The following PTPRD variants were observed in gnomAD, a reference collection of about 807,000 sequenced individuals.
PTPRD encodes receptor-type tyrosine-protein phosphatase delta.
Under a neutral mutation model 214.5 loss-of-function variants are expected in PTPRD, and 34 were observed. The ratio of observed to expected loss-of-function variants is 0.16; its 90% CI spans 0.12 to 0.21. The LOEUF (loss-of-function observed/expected upper bound fraction) is 0.21, where lower values mean the gene tolerates loss of function less well. PTPRD is among the 10% of genes least tolerant of loss of function. The probability of loss-of-function intolerance (pLI) is 1.00; values close to 1 mark genes in which losing one functional copy is unlikely to be tolerated. For synonymous variants in PTPRD, 1,128 were observed against 845.7 expected (o/e 1.33, Z -5.79); for missense variants, 2,545 against 2,398.7 (o/e 1.06, Z -1.27).
chr9:10,419,587 A>G (rs151025523), intron 2 of PTPRD, among the ~76,000 whole-genome samples: 165 of 151,964 alleles, frequency 1.1e-3, no homozygotes, highest in African/African-American at 3.8e-3. Context: ...TTTGATTAAG[A>G]TATATTATTA....
At chr9:8,998,692 T>G (rs1225368529) in intron 11 of PTPRD, among the ~76,000 whole-genome samples, 2 of 152,096 alleles carry the variant, frequency 1.3e-5, no homozygotes, top group African/African-American at 2.4e-5. Flanking sequence ...AGGCTAGAGC[T>G]GCTATGGATA....
chr9:10,467,332 A>G (rs2099001523), intron 2 of PTPRD, among the ~76,000 whole-genome samples: 1 of 152,220 alleles, frequency 6.6e-6, no homozygotes, highest in Non-Finnish European at 1.5e-5. Flanking sequence ...ATATCTGCAT[A>G]ATTCCTGGAA....
At chr9:10,090,175 C>T (rs1315839976) in intron 3 of PTPRD, among the ~76,000 whole-genome samples, 3 of 151,522 alleles carry the variant, frequency 2.0e-5, no homozygotes, top group East Asian at 1.9e-4. Flanking sequence ...TTAAAATCTG[C>T]TTATTACTTT....
chr9:10,512,838 C>A (rs544198597), intron 2 of PTPRD, among the ~76,000 whole-genome samples: 73 of 151,914 alleles, frequency 4.8e-4, no homozygotes, highest in African/African-American at 1.7e-3. Context: ...CTAGAGAAGA[C>A]AAATATTTGA....
intron 36 of PTPRD, among the ~76,000 whole-genome samples, chr9:8,395,924 T>A (rs986364988): frequency 2.0e-5 from 3 of 152,094 alleles, no homozygotes; most frequent in Admixed American, 2.0e-4. Context: ...TGCTTTTTGG[T>A]TAGACAGCAA....
chr9:8,836,671 A>C (rs2097431144), intron 11 of PTPRD, among the ~76,000 whole-genome samples: 1 of 126,006 alleles, frequency 7.9e-6, no homozygotes, highest in Non-Finnish European at 1.6e-5. Context: ...ATCTCGGCTC[A>C]CTGCAGCCTC....
chr9:9,799,101 T>C (rs567855644), intron 5 of PTPRD, among the ~76,000 whole-genome samples: 1 of 152,306 alleles, frequency 6.6e-6, no homozygotes, highest in South Asian at 2.1e-4. Flanking sequence ...CATTTTAAAA[T>C]TCATTTGACC....
intron 2 of PTPRD, among the ~76,000 whole-genome samples, chr9:10,562,734 T>A (rs571937316): frequency 6.6e-6 from 1 of 152,138 alleles, no homozygotes; most frequent in African/African-American, 2.4e-5. Flanking sequence ...CATAGAATAG[T>A]CCAAATGACA....
chr9:9,490,684 T>C (rs556425769), intron 8 of PTPRD, among the ~76,000 whole-genome samples: 2 of 151,984 alleles, frequency 1.3e-5, no homozygotes, highest in African/African-American at 2.4e-5. Flanking sequence ...ATTCAGGATA[T>C]AATTACCATG....
chr9:10,251,699 C>T (rs1277208565), intron 3 of PTPRD, among the ~76,000 whole-genome samples: 2 of 152,174 alleles, frequency 1.3e-5, no homozygotes, highest in Non-Finnish European at 2.9e-5. Context: ...TCACTTTGAA[C>T]AGATTATAGT....
chr9:10,018,915 A>C (rs1385202208), intron 4 of PTPRD, among the ~76,000 whole-genome samples: 1 of 152,166 alleles, frequency 6.6e-6, no homozygotes, highest in Non-Finnish European at 1.5e-5. Context: ...TTCTGCAAAA[A>C]TATTTACAAA....
intron 11 of PTPRD, among the ~76,000 whole-genome samples, chr9:8,822,679 G>C (rs534837231): frequency 2.0e-5 from 3 of 152,060 alleles, no homozygotes; most frequent in Admixed American, 6.5e-5. Context: ...CACAGCCTTC[G>C]GTTGGGGCTA....
Position 8,827,314 on chromosome 9 carries a change from T to A in PTPRD, c.-103-93368A>T, listed in dbSNP as rs201795840. ...ATCAATCTATTTGTTATTGAAAAAA[T>A]TTTAGTTTTAGACCAGGTGAGGTGG... On this transcript the variant is annotated intron_variant, in intron 11 of 45. Coordinates refer to ENST00000381196, the MANE Select transcript of PTPRD (RefSeq NM_002839.4). Among the ~76,000 whole-genome samples, 11 of 142,028 alleles carry A rather than the reference T, an allele frequency of 7.7e-5. No homozygotes were observed. In the East Asian group the frequency reaches 2.0e-3, roughly 26 times the overall value. The allele number at this position is 142,028 out of a possible 152,430, so 93.2% of individuals were successfully genotyped here. A position where few individuals can be genotyped will look rare whatever the true frequency, so the allele number is the denominator to read the frequency against.
At chr9:8,775,474 G>A (rs1480902505) in intron 11 of PTPRD, among the ~76,000 whole-genome samples, 2 of 152,112 alleles carry the variant, frequency 1.3e-5, no homozygotes, top group Non-Finnish European at 2.9e-5. Context: ...AATTAGGTGA[G>A]ATGCAGTACA....
chr9:9,367,532 G>A lies in PTPRD; in HGVS notation c.-203+29917C>T, dbSNP rs1315376949. 2.6e-5 allele frequency among the ~76,000 whole-genome samples: 4 copies of A among 151,452 alleles called. No individual in the cohort carries two copies. In the East Asian group the frequency reaches 7.8e-4, roughly 30 times the overall value. On this transcript the variant is annotated intron_variant, in intron 9 of 45. Transcript: ENST00000381196. ...ATAACAACTTTGGATGTTTTTCCAG[G>A]TACAGGATCTGTACTGTTCAACTGA...
rs61117025 is a variant in PTPRD at position 9,357,893 on chromosome 9, C to A, written c.-203+39556G>T. Among the ~76,000 whole-genome samples, 45 of 151,284 alleles carry A rather than the reference C, an allele frequency of 3.0e-4. 2 individuals carry two copies. In the East Asian group the frequency reaches 8.8e-3, roughly 30 times the overall value. On this transcript the variant is annotated intron_variant, in intron 9 of 45. Coordinates refer to ENST00000381196, the MANE Select transcript of PTPRD (RefSeq NM_002839.4). ...CAGGTAACATCTTTACCTACCACAA[C>A]CATTTCTCTGTTCTCTATTTCCTTT... is the stretch of plus-strand genomic sequence containing the variant.
rs147456920 is a variant in PTPRD, at chr9:8,578,230, G to C, written c.353-49451C>G. On this transcript the variant is annotated intron_variant, in intron 14 of 45. Transcript: ENST00000381196. ...AATATTCACCATGAAAAATGAATAAGATCATATGAAGTTATTTTCATGTTA... is the reference window on the plus strand; with the variant it reads ...AATATTCACCATGAAAAATGAATAACATCATATGAAGTTATTTTCATGTTA... 8.3e-3 allele frequency among the ~76,000 whole-genome samples: 1,269 copies of C among 152,202 alleles called. 11 individuals carry two copies. The highest frequency in any genetic ancestry group is 0.014 in the Non-Finnish European group (962 of 68,020).
intron 11 of PTPRD, among the ~76,000 whole-genome samples, chr9:8,999,581 A>G (rs2099409847): frequency 6.6e-6 from 1 of 152,038 alleles, no homozygotes; most frequent in Non-Finnish European, 1.5e-5. Flanking sequence ...CTTTTGTGAT[A>G]TTGCTTTATT....
At chr9:9,418,321 G>T (rs1569568144) in intron 8 of PTPRD, among the ~76,000 whole-genome samples, 1 of 152,010 alleles carries the variant, frequency 6.6e-6, no homozygotes, top group South Asian at 2.1e-4. Flanking sequence ...TGTCTAAAAT[G>T]AATCTAGCCC....
Sources: allele counts gnomAD v4.1 joint callset (sites outside exome capture counted in the v4.1 genomes callset), GRCh38; gene constraint gnomAD v4.1.1; transcripts MANE v1.5; gene names NCBI Gene and HGNC (gene_info 2026-07-23, HGNC 2026-07-21).